Variants in FAM91A1 observed in about 807,000 individuals in gnomAD.
FAM91A1 encodes family with sequence similarity 91 member A1, also known as protein FAM91A1.
A neutral mutation model predicts 113.5 loss-of-function variants in FAM91A1; 41 were observed. The observed-to-expected ratio is 0.36, with a 90% confidence interval of 0.28 to 0.47. The LOEUF (loss-of-function observed/expected upper bound fraction) is 0.47. Ranked by LOEUF, FAM91A1 falls within the 20% of genes least tolerant of loss-of-function variation. FAM91A1 has a pLI of 1.00. For missense variants in FAM91A1, 696 were observed against 1,001.2 expected (o/e 0.70, Z 4.11); for synonymous variants, 307 against 347.9 (o/e 0.88, Z 1.31).
rs760075063 is a variant in FAM91A1 at position 123,778,078 on chromosome 8, T to A, written c.421T>A (p.Cys141Ser). The A allele has an allele frequency of 1.2e-6, 2 of 1,611,922 alleles. No homozygotes were observed. Among genetic ancestry groups the A allele is most frequent in the Non-Finnish European group, 8.5e-7 (1 of 1,178,888 alleles). ...CCAGTATATTGATCTTATGAATCAG[T>A]GTAGATCATCAAAAGTAAGTTAGTA... ...RNQYIDLMNQ[C>S]RSSKKFFRRK... Residue 141 changes from cysteine (C) to serine (S), a missense_variant, in exon 5 of 24, where the codon TGT becomes AGT. Cys to Ser is a moderately radical substitution (Grantham distance 112). Transcript: ENST00000334705.
At position 123,812,541 on chromosome 8, in the gene FAM91A1, T is replaced by C; in HGVS notation, c.2354T>C (p.Ile785Thr). ...TAGGAAGGTGCTTCAATATTGGATA[T>C]TCACACAGAGCCCAGTTTTTCAAGT... is the stretch of plus-strand genomic sequence containing the variant. Reference protein sequence around the residue: ...SFQEGASILDIHTEPSFSSLL... With the variant: ...SFQEGASILDTHTEPSFSSLL... The change falls in exon 24 of 24, where the codon ATT becomes ACT. Residue 785 changes from isoleucine to threonine, a missense_variant. Coordinates refer to ENST00000334705, the MANE Select transcript of FAM91A1 (RefSeq NM_144963.4). The C allele has an allele frequency of 6.3e-7, 1 of 1,590,622 alleles. No individual in the cohort carries two copies.
chr8:123,792,561 A>G (rs1038157895), intron 15 of FAM91A1, among the ~76,000 whole-genome samples: 11 of 152,212 alleles, frequency 7.2e-5, no homozygotes, highest in African/African-American at 2.4e-4. Context: ...TTGGCATTCT[A>G]GTACTGTGGA....
intron 11 of FAM91A1, 99 bp downstream of exon 11, chr8:123,785,840 C>G (rs752775288): frequency 2.8e-6 from 2 of 705,002 alleles, no homozygotes; most frequent in Non-Finnish European, 4.4e-6. Flanking sequence ...TTTATTGAGA[C>G]AAAGTCTCTC....
chr8:123,779,585 A>G (rs1456021960), intron 6 of FAM91A1, among the ~76,000 whole-genome samples: 3 of 152,178 alleles, frequency 2.0e-5, no homozygotes, highest in Non-Finnish European at 4.4e-5. Context: ...AGTCTAAAGT[A>G]CCTCTTAATG....
chr8:123,770,313 A>G (rs555612663), intron 1 of FAM91A1, among the ~76,000 whole-genome samples: 1 of 152,368 alleles, frequency 6.6e-6, no homozygotes, highest in East Asian at 1.9e-4. Context: ...ATTTAGTGCC[A>G]GGAAGTGAAT....
intron 6 of FAM91A1, 84 bp from the exon 7 acceptor site, chr8:123,779,901 G>C: frequency 9.1e-7 from 1 of 1,098,820 alleles, no homozygotes; most frequent in East Asian, 2.5e-5. Context: ...TGTAATCACT[G>C]GTTTCAACAT....
chr8:123,779,220 A>G (rs1190054257), intron 6 of FAM91A1, among the ~76,000 whole-genome samples: 9 of 152,230 alleles, frequency 5.9e-5, no homozygotes, highest in Admixed American at 5.9e-4. Flanking sequence ...CAGAACAATT[A>G]AGTAACAGCT....
intron 18 of FAM91A1, 84 bp from the exon 19 acceptor site, chr8:123,805,183 A>C: frequency 9.1e-7 from 1 of 1,100,068 alleles, no homozygotes; most frequent in Non-Finnish European, 1.3e-6. Flanking sequence ...ATACCATTAC[A>C]TGACACAATC....
In FAM91A1 at chr8:123,786,630, A is replaced by T; in HGVS notation, c.1078+20A>T. Reference sequence around the variant, plus strand: ...ATCCAGGTTAGCAGTAACTCAGTTTAACATAGAGTCTGTCTGTAGGTACGG... The same window carrying T: ...ATCCAGGTTAGCAGTAACTCAGTTTTACATAGAGTCTGTCTGTAGGTACGG... On this transcript the variant is annotated intron_variant, in intron 12 of 23. Transcript: ENST00000334705. 6.4e-7 allele frequency: 1 copy of T among 1,570,682 alleles called. No individual in the cohort carries two copies. Among genetic ancestry groups the T allele is most frequent in the Non-Finnish European group, 8.8e-7 (1 of 1,140,342 alleles).
intron 19 of FAM91A1, 113 bp downstream of exon 19, chr8:123,805,452 G>T: frequency 3.5e-6 from 3 of 865,924 alleles, no homozygotes; most frequent in Admixed American, 2.7e-5. Flanking sequence ...TAAGTTCTAG[G>T]TTCTTTGCTA....
chr8:123,788,156 A>G (rs1815302733), intron 14 of FAM91A1: 1 of 972,752 alleles, frequency 1.0e-6, no homozygotes, highest in Admixed American at 6.2e-5. Context: ...CTGGAACAAT[A>G]TCCCTGGGTA....
intron 9 of FAM91A1, 180 bp downstream of exon 9, chr8:123,784,756 T>G (rs1027371078): frequency 1.1e-5 from 5 of 441,558 alleles, no homozygotes; most frequent in Non-Finnish European, 1.9e-5. Context: ...AAATTTAAGT[T>G]AATAATTTAT....
chr8:123,793,851 C>T (rs1286775045), intron 15 of FAM91A1, among the ~76,000 whole-genome samples: 1 of 152,144 alleles, frequency 6.6e-6, no homozygotes, highest in East Asian at 1.9e-4. Flanking sequence ...GATATAGCTA[C>T]CTTGCTCTTC....
intron 17 of FAM91A1, 22 bp from the exon 18 acceptor site, chr8:123,799,750 C>T: frequency 6.2e-7 from 1 of 1,606,022 alleles, no homozygotes; most frequent in Non-Finnish European, 8.5e-7. Context: ...TGCCATTTTA[C>T]CTGTTAATTT....
intron 1 of FAM91A1, among the ~76,000 whole-genome samples, chr8:123,770,567 A>G (rs1293961569): frequency 2.0e-5 from 3 of 152,194 alleles, no homozygotes; most frequent in Non-Finnish European, 2.9e-5. Flanking sequence ...ATCCAAAGAC[A>G]CAAGAAGAAC....
intron 5 of FAM91A1, among the ~76,000 whole-genome samples, chr8:123,778,317 C>A (rs1354072385): frequency 1.3e-5 from 2 of 151,952 alleles, no homozygotes; most frequent in Non-Finnish European, 2.9e-5. Flanking sequence ...TTTTTGTTCT[C>A]TTAGTCTTTT....
chr8:123,788,334 G>A, intron 14 of FAM91A1: 1 of 784,550 alleles, frequency 1.3e-6, no homozygotes, highest in Non-Finnish European at 1.5e-6. Flanking sequence ...TTTTATTCTG[G>A]CCTCTTTGTA....
intron 8 of FAM91A1, among the ~76,000 whole-genome samples, chr8:123,781,595 A>G (rs1815124379): frequency 1.3e-5 from 2 of 150,454 alleles, no homozygotes; most frequent in African/African-American, 4.9e-5. Flanking sequence ...CTCCTGCCTC[A>G]GTCTCCCGAA....
rs1443317003 is a variant in FAM91A1 at position 123,774,024 on chromosome 8, A to T, written c.73-56A>T. ...GTTTTAAAGTGTGTTATGGGAAAAA[A>T]TAGTACTATTGTTCAGTTTGGAAGT... On this transcript the variant is annotated intron_variant, in intron 1 of 23. Transcript: ENST00000334705. The T allele has an allele frequency of 5.7e-6, 8 of 1,396,090 alleles. No homozygotes were observed. In the Admixed American group the frequency reaches 5.8e-5, roughly 10 times the overall value. The allele number at this position is 1,396,090 out of a possible 1,614,324, so 86.5% of individuals were successfully genotyped here. A position where few individuals can be genotyped will look rare whatever the true frequency, so the allele number is the denominator to read the frequency against.
Sources: gnomAD v4.1 joint callset for allele counts (sites outside exome capture counted in the v4.1 genomes callset) on GRCh38, gnomAD v4.1.1 for gene constraint, MANE v1.5 for transcripts, NCBI Gene and HGNC (gene_info 2026-07-23, HGNC 2026-07-21) for gene names.